Variants in ANGPTL5 observed in about 807,000 individuals in gnomAD.
ANGPTL5 encodes angiopoietin like 5, also known as angiopoietin-related protein 5.
A neutral mutation model predicts 39.4 loss-of-function variants in ANGPTL5; 34 were observed. The ratio of observed to expected loss-of-function variants is 0.86; its 90% CI spans 0.66 to 1.15. The LOEUF (loss-of-function observed/expected upper bound fraction) is 1.15, where lower values mean the gene tolerates loss of function less well. Among genes scored for constraint, ANGPTL5 ranks in the 50% most tolerant of loss-of-function variants. The pLI is 0.00. For missense variants in ANGPTL5, 467 were observed against 457.5 expected (o/e 1.02, Z -0.19); for synonymous variants, 146 against 152.1 (o/e 0.96, Z 0.29).
chr11:101,902,178 A>G lies in ANGPTL5; in HGVS notation c.540+443T>C, dbSNP rs117633216. ...CAATCACATAAAATCATCTATCATC[A>G]GAAGAAATTATAACCATATACAGGA... On this transcript the variant is annotated intron_variant, in intron 6 of 8. Coordinates refer to ENST00000334289, the MANE Select transcript of ANGPTL5 (RefSeq NM_178127.5). 5.5e-3 allele frequency among the ~76,000 whole-genome samples: 831 copies of G among 152,252 alleles called. 3 individuals carry two copies. The highest frequency in any genetic ancestry group is 8.8e-3 in the Admixed American group (134 of 15,294).
chr11:101,897,469 T>C (rs879193131), intron 7 of ANGPTL5, among the ~76,000 whole-genome samples: 21 of 152,358 alleles, frequency 1.4e-4, no homozygotes, highest in African/African-American at 4.6e-4. Flanking sequence ...GGTTTTCTTC[T>C]AGGGATTTTA....
intron 1 of ANGPTL5, among the ~76,000 whole-genome samples, chr11:101,913,231 T>G (rs894842635): frequency 1.3e-5 from 2 of 152,246 alleles, no homozygotes; most frequent in Admixed American, 6.5e-5. Context: ...AGTGCCTTTG[T>G]GTCCTAAAAA....
intron 1 of ANGPTL5, chr11:101,915,559 G>T: frequency 7.3e-6 from 8 of 1,091,576 alleles, no homozygotes; most frequent in Non-Finnish European, 7.8e-6. Context: ...CAACTGTCGT[G>T]TCTCACCTTA....
In ANGPTL5 at chr11:101,891,361, G is replaced by A. The variant is rs140148922; in HGVS notation, c.1085C>T (p.Thr362Met). The A allele has an allele frequency of 2.2e-4, 354 of 1,613,788 alleles. No homozygotes were observed. The highest frequency in any genetic ancestry group is 2.7e-4 in the Non-Finnish European group (315 of 1,179,944). The change falls in exon 9 of 9, where the codon ACG (threonine) becomes ATG (methionine). Residue 362 changes from threonine (T) to methionine (M), a missense_variant. Coordinates refer to ENST00000334289, the MANE Select transcript of ANGPTL5 (RefSeq NM_178127.5). ...KLLATGIQWGTWTKNNSPVKI... is the reference protein window; with the variant it reads ...KLLATGIQWGMWTKNNSPVKI... ...GACAGGTGAGTTGTTTTTGGTCCAC[G>A]TGCCCCATTGAATTCCAGTTGCAAG...
chr11:101,905,198 G>C (rs1939976232), intron 4 of ANGPTL5, among the ~76,000 whole-genome samples: 1 of 151,946 alleles, frequency 6.6e-6, no homozygotes, highest in Non-Finnish European at 1.5e-5. Context: ...CTCCTCCTTT[G>C]GCTCTTCCTC....
chr11:101,909,489 T>C (rs1343590085), intron 1 of ANGPTL5, among the ~76,000 whole-genome samples: 1 of 152,244 alleles, frequency 6.6e-6, no homozygotes, highest in Non-Finnish European at 1.5e-5. Context: ...TTATAATTTA[T>C]ATTAATAGGC....
At chr11:101,897,817 A>G (rs951187190) in intron 7 of ANGPTL5, among the ~76,000 whole-genome samples, 1 of 152,202 alleles carries the variant, frequency 6.6e-6, no homozygotes, top group African/African-American at 2.4e-5. Context: ...CTTTTTGCTT[A>G]GGATTGTCTT....
In ANGPTL5 at chr11:101,904,742, G is replaced by C. The variant is rs1011176205; in HGVS notation, c.439+72C>G. The C allele has an allele frequency of 3.7e-6, 5 of 1,337,340 alleles. No homozygotes were observed. The Admixed American group carries it at 5.1e-5, about 14-fold the overall frequency. The allele number at this position is 1,337,340 out of a possible 1,614,324, so 82.8% of individuals were successfully genotyped here. On this transcript the variant is annotated intron_variant, in intron 5 of 8. Transcript: ENST00000334289. The stretch of plus-strand genomic sequence containing the variant: ...AGTTTTTAAATAAAACTTTTAAATG[G>C]ATCGACCTGTCCAGGAAAATTTTAA...
chr11:101,915,469 T>G, intron 1 of ANGPTL5: 1 of 1,563,606 alleles, frequency 6.4e-7, no homozygotes, highest in Non-Finnish European at 8.7e-7. Flanking sequence ...GGGCCCATCT[T>G]TTTCCAATTA....
intron 1 of ANGPTL5, among the ~76,000 whole-genome samples, chr11:101,910,424 A>AAAAAATATATATAT (rs1469724609): frequency 1.6e-5 from 2 of 127,218 alleles, no homozygotes; most frequent in African/African-American, 3.0e-5. Context: ...AAAAAAAAAA[A>AAAAAATATATATAT]ATATATATAT....
At chr11:101,898,761 A>G (rs988013814) in intron 7 of ANGPTL5, among the ~76,000 whole-genome samples, 6 of 152,138 alleles carry the variant, frequency 3.9e-5, no homozygotes, top group South Asian at 2.1e-4. Context: ...TGCCCATTCA[A>G]TATGATATTG....
At chr11:101,915,187 A>C in intron 1 of ANGPTL5, 1 of 1,537,216 alleles carries the variant, frequency 6.5e-7, no homozygotes, top group Non-Finnish European at 8.8e-7. Context: ...GGCCTGAGAG[A>C]CGGAGTGTAG....
Position 101,902,999 on chromosome 11 carries a change from T to A in ANGPTL5, c.440-278A>T, listed in dbSNP as rs111721556. ...ATTTGGGATCAACACTTATTAAACA[T>A]ATTTTATAATTACACATTCTCTTTA... On this transcript the variant is annotated intron_variant, in intron 5 of 8. Transcript: ENST00000334289. Among the ~76,000 whole-genome samples the A allele has an allele frequency of 3.7e-3, 567 of 152,284 alleles. 3 individuals are homozygous for A. Among genetic ancestry groups the A allele is most frequent in the African/African-American group, 0.013 (529 of 41,584 alleles).
At chr11:101,901,452 ACACAT>A (rs1239082113) in intron 6 of ANGPTL5, among the ~76,000 whole-genome samples, 1 of 152,080 alleles carries the variant, frequency 6.6e-6, no homozygotes, top group African/African-American at 2.4e-5. Flanking sequence ...GTGCTCATAG[ACACAT>A]CTGTTGATGC....
chr11:101,892,510 C>T (rs139166913), intron 8 of ANGPTL5, among the ~76,000 whole-genome samples: 194 of 152,236 alleles, frequency 1.3e-3, no homozygotes, highest in African/African-American at 4.4e-3. Context: ...GGATTACAGG[C>T]GTGATCCACT....
At chr11:101,910,420 A>ATATAT (rs1210873000) in intron 1 of ANGPTL5, among the ~76,000 whole-genome samples, 8 of 128,412 alleles carry the variant, frequency 6.2e-5, no homozygotes, top group South Asian at 2.7e-4. Context: ...CAAAAAAAAA[A>ATATAT]AAAAATATAT....
chr11:101,902,756 C>CAGA, intron 5 of ANGPTL5, 35 bp from the exon 6 acceptor site: 1 of 1,353,866 alleles, frequency 7.4e-7, no homozygotes. Flanking sequence ...GGGATATTTT[C>CAGA]AAATGTACAT....
At chr11:101,896,854 C>T (rs1007079878) in intron 7 of ANGPTL5, among the ~76,000 whole-genome samples, 1 of 152,124 alleles carries the variant, frequency 6.6e-6, no homozygotes, top group Admixed American at 6.5e-5. Flanking sequence ...GATTTATAAT[C>T]CTTTGGGTAT....
chr11:101,915,254 G>A, intron 1 of ANGPTL5: 1 of 1,612,076 alleles, frequency 6.2e-7, no homozygotes, highest in Non-Finnish European at 8.5e-7. Flanking sequence ...AGGTTCTGGG[G>A]GCGAGCAGAC....
Sources: gnomAD v4.1 joint callset for allele counts (sites outside exome capture counted in the v4.1 genomes callset) on GRCh38, gnomAD v4.1.1 for gene constraint, MANE v1.5 for transcripts, NCBI Gene and HGNC (gene_info 2026-07-23, HGNC 2026-07-21) for gene names.